The following CCDC22 variants were observed in gnomAD, a reference collection of about 807,000 sequenced individuals.
CCDC22 encodes the protein coiled-coil domain-containing protein 22.
Under a neutral mutation model 53.1 loss-of-function variants are expected in CCDC22, and 4 were observed. That is an observed-to-expected ratio of 0.08 (90% CI 0.04 to 0.17). CCDC22 has a LOEUF of 0.17. Among genes scored for constraint, CCDC22 ranks in the 10% least tolerant of loss-of-function variants. The probability of loss-of-function intolerance (pLI) is 1.00; values close to 1 mark genes in which losing one functional copy is unlikely to be tolerated. For synonymous variants in CCDC22, 222 were observed against 224.4 expected, an observed-to-expected ratio of 0.99 and a Z score of 0.10; for missense variants, 458 against 554.0, an observed-to-expected ratio of 0.83 and a Z score of 1.74.
intron 6 of CCDC22, among the ~76,000 whole-genome samples, chrX:49,246,187 G>C (rs2045803601): frequency 9.0e-6 from 1 of 111,347 alleles, no homozygotes; most frequent in Admixed American, 9.5e-5. Context: ...GGCCAGGCTG[G>C]TCTTGATCTC....
chrX:49,246,266 C>G (rs781873938), intron 6 of CCDC22, among the ~76,000 whole-genome samples: 235 of 112,197 alleles, frequency 2.1e-3, no homozygotes, highest in Admixed American at 2.9e-3. Flanking sequence ...GCCACTGTAC[C>G]CGGCCAACAA....
rs1557113440 is a variant in CCDC22 at position 49,242,123 on chromosome X, C to G, written c.336C>G (p.Ala112=). ...LFLAERLPTD[A]SEDADQPAGD... ...TGGCTGAGCGTCTGCCCACCGATGC[C>G]TCTGAGGATGCAGACCAGCCTGCAG... The change falls in exon 3 of 17, where the codon GCC becomes GCG. Residue 112 remains alanine, a synonymous_variant. Coordinates refer to ENST00000376227, the MANE Select transcript of CCDC22 (RefSeq NM_014008.5). 1 of 1,210,860 alleles carries G rather than the reference C, an allele frequency of 8.3e-7. No individual in the cohort carries two copies. The highest frequency in any genetic ancestry group is 2.2e-5 in the Admixed American group (1 of 45,967).
chrX:49,235,826 T>TACACACACAC lies in CCDC22; in HGVS notation c.50+169_50+178dup, dbSNP rs797042658. 2.6e-3 allele frequency: 638 copies of TACACACACAC among 243,197 alleles called. 15 individuals are homozygous for TACACACACAC. The highest frequency in any genetic ancestry group is 0.024 in the African/African-American group (538 of 22,339). The allele number at this position is 243,197 out of a possible 1,213,427, so 20.0% of individuals were successfully genotyped here. On this transcript the variant is annotated intron_variant, in intron 1 of 16. Transcript: ENST00000376227. ...CAGGATCCTAAGACCCTCACCCCCT[T>TACACACACAC]ACACACACACACACACACACACACA... is the stretch of plus-strand genomic sequence containing the variant.
chrX:49,242,758 G>A (rs2065970080), intron 3 of CCDC22, 128 bp from the exon 4 acceptor site: 4 of 412,669 alleles, frequency 9.7e-6, no homozygotes, highest in Admixed American at 4.8e-5. Flanking sequence ...ATGACTGAAC[G>A]TGAGAACGCA....
chrX:49,249,615 G>GGGGGGGGGGGGGGGT, intron 15 of CCDC22, 36 bp from the exon 16 acceptor site: 1 of 406,809 alleles, frequency 2.5e-6, no homozygotes, highest in Non-Finnish European at 4.5e-6. Context: ...GGGTGGGTGG[G>GGGGGGGGGGGGGGGT]ACTGGGTGCA....
In CCDC22 at chrX:49,238,227, T is replaced by C. The variant is rs1365495441; in HGVS notation, c.228+964T>C. Among the ~76,000 whole-genome samples, 3 of 109,948 alleles carry C rather than the reference T, an allele frequency of 2.7e-5. No individual in the cohort carries two copies. The Admixed American group carries it at 2.9e-4, about 11-fold the overall frequency. ...TCCCGAGTAGCTGGGACTACAGGCATGCACCACCATGCTCAGTTAATTTTT... is the reference window on the plus strand; with the variant it reads ...TCCCGAGTAGCTGGGACTACAGGCACGCACCACCATGCTCAGTTAATTTTT... On this transcript the variant is annotated intron_variant, in intron 2 of 16. Transcript: ENST00000376227.
chrX:49,247,485 A>G lies in CCDC22; in HGVS notation c.910-11A>G. ...CCTGGCAGCCAGGATGCCCCTCGTC[A>G]CTCCCCTTAGGAGCCCCAGGCCCAG... On this transcript the variant is annotated splice_polypyrimidine_tract_variant and intron_variant, in intron 7 of 16. Coordinates refer to ENST00000376227, the MANE Select transcript of CCDC22 (RefSeq NM_014008.5). 5.9e-6 allele frequency: 7 copies of G among 1,187,529 alleles called. No homozygotes were observed. The highest frequency in any genetic ancestry group is 7.9e-6 in the Non-Finnish European group (7 of 883,874).
At chrX:49,243,217 G>T (rs782588505) in intron 5 of CCDC22, 33 bp downstream of exon 5, 15 of 1,203,397 alleles carry the variant, frequency 1.2e-5, no homozygotes, top group Non-Finnish European at 1.7e-5. Context: ...GGGTGAGGAG[G>T]AAGGTGGGGG....
chrX:49,237,154 G>A lies in CCDC22; in HGVS notation c.119G>A (p.Arg40His), dbSNP rs1480887668. 4.1e-6 allele frequency: 5 copies of A among 1,209,964 alleles called. No homozygotes were observed. The highest frequency in any genetic ancestry group is 3.0e-5 in the East Asian group (1 of 33,787). Residue 40 changes from arginine (R) to histidine (H), a missense_variant, in exon 2 of 17, where the codon CGC becomes CAC. Around this residue, in one of 4 missense-constraint regions of CCDC22, gnomAD observed 55 missense variants for 106.0 expected, o/e 0.52. Coordinates refer to ENST00000376227, the MANE Select transcript of CCDC22 (RefSeq NM_014008.5). ...GAGCTGGTTGTAGAGGCTGTGGTCC[G>A]CTGCCTGCGTGTGATCAACCCTGCG... ...TTELVVEAVV[R>H]CLRVINPAVG...
chrX:49,247,768 G>A lies in CCDC22; in HGVS notation c.1092G>A (p.Gln364=). Residue 364 remains glutamine, a splice_region_variant and synonymous_variant, in exon 9 of 17, where the codon CAG becomes CAA. Transcript: ENST00000376227. ...DMKTLGVSFV[Q]AESECRHSKL... ...AGACCCTGGGCGTCAGCTTTGTGCA[G>A]GTAAGGGGCGGAGGAGGGGCTGCGC... is the stretch of plus-strand genomic sequence containing the variant. 8.3e-7 allele frequency: 1 copy of A among 1,211,228 alleles called. No homozygotes were observed. The highest frequency in any genetic ancestry group is 1.7e-5 in the African/African-American group (1 of 57,884).
chrX:49,249,615 G>GGGGC, intron 15 of CCDC22, 36 bp from the exon 16 acceptor site: 1 of 406,819 alleles, frequency 2.5e-6, no homozygotes, highest in Non-Finnish European at 4.5e-6. Context: ...GGGTGGGTGG[G>GGGGC]ACTGGGTGCA....
intron 3 of CCDC22, 150 bp downstream of exon 3, chrX:49,242,298 G>C: frequency 6.5e-6 from 7 of 1,082,727 alleles, no homozygotes; most frequent in Middle Eastern, 3.6e-4. Flanking sequence ...GGAGGATTAG[G>C]CATCAGAGAG....
intron 6 of CCDC22, among the ~76,000 whole-genome samples, chrX:49,243,864 C>T (rs1164876973): frequency 8.9e-6 from 1 of 112,336 alleles, no homozygotes; most frequent in African/African-American, 3.2e-5. Context: ...TCTCAGCACA[C>T]TGCAACCTCC....
chrX:49,238,656 C>T lies in CCDC22; in HGVS notation c.228+1393C>T, dbSNP rs189035017. Among the ~76,000 whole-genome samples, 534 of 111,868 alleles carry T rather than the reference C, an allele frequency of 4.8e-3. 4 individuals are homozygous for T. Among genetic ancestry groups the T allele is most frequent in the African/African-American group, 0.017 (510 of 30,821 alleles). Reference sequence around the variant, plus strand: ...GCCCAGGCTGGTCTTGAACTCCTGGCCTCAAGAGATTCTCCTGCCTCTGCC... The same window carrying T: ...GCCCAGGCTGGTCTTGAACTCCTGGTCTCAAGAGATTCTCCTGCCTCTGCC... On this transcript the variant is annotated intron_variant, in intron 2 of 16. Coordinates refer to ENST00000376227, the MANE Select transcript of CCDC22 (RefSeq NM_014008.5).
At chrX:49,245,976 T>TG (rs1315744693) in intron 6 of CCDC22, among the ~76,000 whole-genome samples, 5 of 37,305 alleles carry the variant, frequency 1.3e-4, no homozygotes, top group Non-Finnish European at 2.9e-4. Flanking sequence ...TGTTTTGTTT[T>TG]TTTTTTGTTT....
rs2066021011 is a variant in CCDC22, at chrX:49,250,388, G to C, written c.*127G>C. The C allele has an allele frequency of 7.7e-6, 4 of 521,863 alleles. No individual in the cohort carries two copies. The highest frequency in any genetic ancestry group is 1.4e-5 in the Non-Finnish European group (4 of 289,050). 43.0% of individuals were successfully genotyped at this position (521,863 alleles called of 1,213,427 possible). ...TCCTCCTGCTGCGGCCTTGGACCCA[G>C]ACCCCTGCCCACTGACCGCAACCCT... On this transcript the variant is annotated 3_prime_UTR_variant, in exon 17 of 17. Coordinates refer to ENST00000376227, the MANE Select transcript of CCDC22 (RefSeq NM_014008.5).
intron 2 of CCDC22, 65 bp from the exon 3 acceptor site, chrX:49,241,951 A>G: frequency 2.6e-6 from 3 of 1,170,181 alleles, no homozygotes; most frequent in East Asian, 6.1e-5. Flanking sequence ...TTTTCAGCCT[A>G]GGCCCAAGTC....
intron 1 of CCDC22, among the ~76,000 whole-genome samples, chrX:49,236,368 C>T (rs1174912887): frequency 3.7e-5 from 4 of 109,456 alleles, no homozygotes; most frequent in South Asian, 8.0e-4. Flanking sequence ...CCACCTTGCC[C>T]GGCTAATTTT....
At chrX:49,245,224 T>C (rs1164466395) in intron 6 of CCDC22, among the ~76,000 whole-genome samples, 1 of 110,458 alleles carries the variant, frequency 9.1e-6, no homozygotes, top group East Asian at 2.8e-4. Flanking sequence ...TCTGCCTCTT[T>C]ATCTGTCTCC....
Sources: allele counts gnomAD v4.1 joint callset (sites outside exome capture counted in the v4.1 genomes callset), GRCh38; gene constraint gnomAD v4.1.1; regional missense constraint gnomAD v4.1.1; transcripts MANE v1.5; gene names NCBI Gene and HGNC (gene_info 2026-07-23, HGNC 2026-07-21).